ESCO1: variants seen among roughly 807,000 people sequenced by gnomAD.
ESCO1 encodes establishment of sister chromatid cohesion N-acetyltransferase 1.
In ESCO1, 33 loss-of-function variants were observed where a neutral mutation model predicts 83.5. That is an observed-to-expected ratio of 0.40 (90% CI 0.30 to 0.53). ESCO1 has a LOEUF of 0.53. ESCO1 is among the 20% of genes least tolerant of loss of function. The pLI, the probability that ESCO1 is intolerant of heterozygous loss-of-function variation, is 0.63. For missense variants in ESCO1, 855 were observed against 968.0 expected, an observed-to-expected ratio of 0.88 and a Z score of 1.55; for synonymous variants, 332 against 324.3, an observed-to-expected ratio of 1.02 and a Z score of -0.25.
intron 8 of ESCO1, among the ~76,000 whole-genome samples, chr18:21,557,500 T>C (rs956936153): frequency 6.6e-6 from 1 of 152,270 alleles, no homozygotes; most frequent in African/African-American, 2.4e-5. Context: ...TTTAAATATT[T>C]AATATTGATT....
At chr18:21,557,842 C>A (rs1397239948) in intron 8 of ESCO1, among the ~76,000 whole-genome samples, 1 of 152,180 alleles carries the variant, frequency 6.6e-6, no homozygotes, top group Non-Finnish European at 1.5e-5. Flanking sequence ...CGTGCTTTCT[C>A]TTCACATCTT....
chr18:21,577,697 T>A lies in ESCO1; in HGVS notation c.-693-1920A>T, dbSNP rs537556483. 3.3e-5 allele frequency among the ~76,000 whole-genome samples: 5 copies of A among 150,752 alleles called. No homozygotes were observed. In the East Asian group the frequency reaches 7.8e-4, roughly 23 times the overall value. On this transcript the variant is annotated intron_variant, in intron 2 of 11. Coordinates refer to ENST00000269214, the MANE Select transcript of ESCO1 (RefSeq NM_052911.3). ...AAAAAAAGCAGATATTCTCCCAGAT[T>A]GCCATTCCCATTACTAGCACTCAGA...
intron 1 of ESCO1, among the ~76,000 whole-genome samples, chr18:21,592,800 G>A (rs1448546416): frequency 1.7e-4 from 26 of 150,094 alleles, no homozygotes; most frequent in Middle Eastern, 3.2e-3. Flanking sequence ...CAGACGGGGC[G>A]GCTGCCGGGC....
At chr18:21,594,404 T>C (rs1470459986) in intron 1 of ESCO1, among the ~76,000 whole-genome samples, 4 of 152,226 alleles carry the variant, frequency 2.6e-5, no homozygotes, top group African/African-American at 9.6e-5. Flanking sequence ...TCTTCTCTTA[T>C]TTCTACATAT....
rs2038228719 is a variant in ESCO1 at position 21,564,278 on chromosome 18, G to C, written c.1746C>G (p.Ser582=). 1 of 1,611,316 alleles carries C rather than the reference G, an allele frequency of 6.2e-7. No individual in the cohort carries two copies. The highest frequency in any genetic ancestry group is 1.7e-5 in the Admixed American group (1 of 59,756). Residue 582 remains serine (S), a synonymous_variant, in exon 7 of 12, where the codon TCC becomes TCG. Coordinates refer to ENST00000269214, the MANE Select transcript of ESCO1 (RefSeq NM_052911.3). Reference sequence around the variant, plus strand: ...CCTTTGGAATTGTTATCTCCAAATGGGAATTACACTTAGGCAAAGAATGAT... The same window carrying C: ...CCTTTGGAATTGTTATCTCCAAATGCGAATTACACTTAGGCAAAGAATGAT... ...PRNHSLPKCN[S]HLEITIPKDL...
chr18:21,561,011 A>C, intron 7 of ESCO1, 21 bp from the exon 8 acceptor site: 1 of 1,569,972 alleles, frequency 6.4e-7, no homozygotes, highest in South Asian at 1.2e-5. Flanking sequence ...AAAACACACA[A>C]AAGTTTTTTT....
At chr18:21,570,517 C>G (rs2038325774) in intron 4 of ESCO1, among the ~76,000 whole-genome samples, 1 of 152,078 alleles carries the variant, frequency 6.6e-6, no homozygotes. Context: ...AGCCAAGTTA[C>G]AAAAATATAT....
In ESCO1 at chr18:21,587,738, A is replaced by G. The variant is rs61395849; in HGVS notation, c.-824-3298T>C. On this transcript the variant is annotated intron_variant, in intron 1 of 11. Transcript: ENST00000269214. ...AATTGCCTGAGCCCAGGTGTTCAAGACCAGTTTGGGCAACACAGCAAGACC... is the reference window on the plus strand; with the variant it reads ...AATTGCCTGAGCCCAGGTGTTCAAGGCCAGTTTGGGCAACACAGCAAGACC... 9.6e-3 allele frequency among the ~76,000 whole-genome samples: 1,461 copies of G among 152,148 alleles called. 24 individuals carry two copies. The highest frequency in any genetic ancestry group is 0.033 in the African/African-American group (1,377 of 41,504).
chr18:21,572,190 T>C (rs1325005957), intron 4 of ESCO1, among the ~76,000 whole-genome samples: 1 of 152,254 alleles, frequency 6.6e-6, no homozygotes, highest in African/African-American at 2.4e-5. Context: ...ATTCTAATTC[T>C]ATTTGTGCCA....
chr18:21,592,784 A>C lies in ESCO1; in HGVS notation c.-825+7839T>G, dbSNP rs1598481567. ...CGGCTGCCGGGCGGAGGGGCTCCTCACTTCTCAGACGGGGCGGCTGCCGGG... is the reference window on the plus strand; with the variant it reads ...CGGCTGCCGGGCGGAGGGGCTCCTCCCTTCTCAGACGGGGCGGCTGCCGGG... On this transcript the variant is annotated intron_variant, in intron 1 of 11. Transcript: ENST00000269214. Among the ~76,000 whole-genome samples, 6 of 137,486 alleles carry C rather than the reference A, an allele frequency of 4.4e-5. No homozygotes were observed. The South Asian group carries it at 1.4e-3, about 33-fold the overall frequency. The allele number at this position is 137,486 out of a possible 152,430, so 90.2% of individuals were successfully genotyped here.
intron 8 of ESCO1, among the ~76,000 whole-genome samples, chr18:21,552,528 C>G (rs761814172): frequency 2.0e-5 from 3 of 152,180 alleles, no homozygotes; most frequent in African/African-American, 7.2e-5. Context: ...TTCCTAAGGC[C>G]TTCCTAGCCA....
At chr18:21,582,765 G>A (rs556552504) in intron 2 of ESCO1, among the ~76,000 whole-genome samples, 3 of 152,138 alleles carry the variant, frequency 2.0e-5, no homozygotes, top group Non-Finnish European at 2.9e-5. Context: ...CTATCAAACT[G>A]GCCAAAGATC....
intron 8 of ESCO1, among the ~76,000 whole-genome samples, chr18:21,550,092 G>C (rs915463606): frequency 6.6e-6 from 1 of 152,122 alleles, no homozygotes; most frequent in African/African-American, 2.4e-5. Context: ...TAAATGAACT[G>C]ATTTTCAGAA....
chr18:21,546,581 C>T (rs2037976823), intron 8 of ESCO1, among the ~76,000 whole-genome samples: 1 of 152,180 alleles, frequency 6.6e-6, no homozygotes, highest in Non-Finnish European at 1.5e-5. Context: ...GGGTCTCACT[C>T]TGTTGCCCTG....
At chr18:21,595,814 A>T (rs2038757813) in intron 1 of ESCO1, among the ~76,000 whole-genome samples, 1 of 151,130 alleles carries the variant, frequency 6.6e-6, no homozygotes, top group East Asian at 2.0e-4. Flanking sequence ...AATACAAAAA[A>T]TTAGCCGGGC....
chr18:21,598,336 C>T (rs2038793600), intron 1 of ESCO1, among the ~76,000 whole-genome samples: 1 of 152,148 alleles, frequency 6.6e-6, no homozygotes, highest in Non-Finnish European at 1.5e-5. Flanking sequence ...AATTAGGGTA[C>T]TTTTTTAGTT....
At chr18:21,566,509 AT>A (rs1197743426) in intron 5 of ESCO1, among the ~76,000 whole-genome samples, 1 of 152,226 alleles carries the variant, frequency 6.6e-6, no homozygotes, top group East Asian at 1.9e-4. Context: ...CAATGCCTGC[AT>A]AATTATATAA....
chr18:21,537,057 T>C (rs560122593), intron 9 of ESCO1, among the ~76,000 whole-genome samples: 1 of 152,326 alleles, frequency 6.6e-6, no homozygotes, highest in East Asian at 1.9e-4. Flanking sequence ...AACTTTCCCA[T>C]GTCAGATATT....
At chr18:21,581,194 T>C (rs2038497760) in intron 2 of ESCO1, among the ~76,000 whole-genome samples, 1 of 151,474 alleles carries the variant, frequency 6.6e-6, no homozygotes, top group Admixed American at 6.6e-5. Context: ...GTGCCTGTAG[T>C]CCCAGCTGCT....
Sources: gnomAD v4.1 joint callset for allele counts (sites outside exome capture counted in the v4.1 genomes callset) on GRCh38, gnomAD v4.1.1 for gene constraint, MANE v1.5 for transcripts, NCBI Gene and HGNC (gene_info 2026-07-23, HGNC 2026-07-21) for gene names.